Variants in EFCAB13 observed in about 807,000 individuals in gnomAD.
EFCAB13 encodes the protein EF-hand calcium binding domain 13, also known as EF-hand calcium-binding domain-containing protein 13.
Under a neutral mutation model 110.2 loss-of-function variants are expected in EFCAB13, and 91 were observed. The observed-to-expected ratio is 0.83, with a 90% CI of 0.70 to 0.98. The LOEUF is 0.98. Among genes scored for constraint, EFCAB13 ranks in the 50% least tolerant of loss-of-function variants. The pLI, the probability that EFCAB13 is intolerant of heterozygous loss-of-function variation, is 0.00. For missense variants in EFCAB13, 968 were observed against 1,119.4 expected (o/e 0.86, Z 1.93); for synonymous variants, 323 against 369.9 (o/e 0.87, Z 1.45).
intron 2 of EFCAB13, among the ~76,000 whole-genome samples, chr17:47,325,273 C>G (rs1199472087): frequency 6.6e-6 from 1 of 151,704 alleles, no homozygotes; most frequent in African/African-American, 2.4e-5. Flanking sequence ...CTTAGACCCC[C>G]ACCCCCGCAT....
At chr17:47,372,620 G>A (rs1419321387) in intron 11 of EFCAB13, among the ~76,000 whole-genome samples, 2 of 152,102 alleles carry the variant, frequency 1.3e-5, no homozygotes, top group Non-Finnish European at 2.9e-5. Context: ...GAAATTTCAT[G>A]TAAGACAAAT....
chr17:47,398,942 G>A (rs570339362), intron 17 of EFCAB13, among the ~76,000 whole-genome samples: 1 of 152,052 alleles, frequency 6.6e-6, no homozygotes, highest in South Asian at 2.1e-4. Context: ...TTCTTTGGAG[G>A]GGACAAGGTC....
intron 22 of EFCAB13, among the ~76,000 whole-genome samples, chr17:47,413,951 T>A (rs1179634945): frequency 6.6e-6 from 1 of 152,210 alleles, no homozygotes; most frequent in African/African-American, 2.4e-5. Flanking sequence ...ACCTAGCCAT[T>A]TCTGGGTCTC....
intron 10 of EFCAB13, among the ~76,000 whole-genome samples, chr17:47,366,563 C>T (rs1366716248): frequency 6.6e-6 from 1 of 152,080 alleles, no homozygotes; most frequent in African/African-American, 2.4e-5. Flanking sequence ...TGAATTTCCT[C>T]CAGAATTATA....
chr17:47,359,858 G>A (rs1334703881), intron 9 of EFCAB13, among the ~76,000 whole-genome samples: 5 of 136,776 alleles, frequency 3.7e-5, no homozygotes, highest in Non-Finnish European at 7.6e-5. Context: ...TCCCATCTAT[G>A]AGTGAGAACA....
intron 9 of EFCAB13, among the ~76,000 whole-genome samples, chr17:47,359,660 A>G (rs962352881): frequency 1.3e-4 from 20 of 150,470 alleles, no homozygotes; most frequent in African/African-American, 4.2e-4. Flanking sequence ...GTTTTAGGGT[A>G]CATGTGTACA....
intron 9 of EFCAB13, among the ~76,000 whole-genome samples, chr17:47,357,405 C>A (rs752777364): frequency 6.6e-6 from 1 of 152,022 alleles, no homozygotes; most frequent in South Asian, 2.1e-4. Context: ...CCTATTTTGA[C>A]GTTTTGATAA....
chr17:47,336,882 TA>T (rs200414257), intron 5 of EFCAB13, among the ~76,000 whole-genome samples: 2 of 151,436 alleles, frequency 1.3e-5, no homozygotes, highest in Admixed American at 6.6e-5. Flanking sequence ...GACTAAAAAA[TA>T]AAAAAAAATC....
chr17:47,387,742 G>T (rs2065684560), intron 14 of EFCAB13, among the ~76,000 whole-genome samples: 1 of 152,138 alleles, frequency 6.6e-6, no homozygotes, highest in South Asian at 2.1e-4. Flanking sequence ...TCTATATCTT[G>T]TCATTGAACC....
chr17:47,425,125 G>T (rs371985623), intron 23 of EFCAB13, among the ~76,000 whole-genome samples: 1 of 150,874 alleles, frequency 6.6e-6, no homozygotes, highest in African/African-American at 2.4e-5. Flanking sequence ...CTCGTGATCC[G>T]CCCGCCTCGG....
At chr17:47,414,826 A>AT (rs1567803604) in intron 22 of EFCAB13, 22 bp from the exon 23 acceptor site, 1 of 1,532,742 alleles carries the variant, frequency 6.5e-7, no homozygotes, top group East Asian at 2.3e-5. Flanking sequence ...TAATGTCAGC[A>AT]TTTTTTACTT....
intron 20 of EFCAB13, chr17:47,409,377 G>A (rs562309110): frequency 2.8e-6 from 1 of 352,694 alleles, no homozygotes; most frequent in East Asian, 4.4e-5. Flanking sequence ...CTCCCCTTAG[G>A]GAGAAAGGAA....
At chr17:47,409,279 A>G in intron 20 of EFCAB13, 1 of 182,444 alleles carries the variant, frequency 5.5e-6, no homozygotes, top group Admixed American at 5.4e-5. Context: ...CTGGGACTAG[A>G]TAGTATATAG....
Position 47,326,327 on chromosome 17 carries a change from G to C in EFCAB13, c.-146G>C, listed in dbSNP as rs2065286045. On this transcript the variant is annotated 5_prime_UTR_variant, in exon 3 of 25. Transcript: ENST00000331493. ...ATTACAGAACAATTGTTCCTTTCAA[G>C]ATTTATTCAAAACGTGTCAACTCTG... 6.6e-6 allele frequency: 1 copy of C among 152,080 alleles called. No individual in the cohort carries two copies. The highest frequency in any genetic ancestry group is 2.1e-4 in the South Asian group (1 of 4,824). The allele number at this position is 152,080 out of a possible 1,614,324, so 9.4% of individuals were successfully genotyped here.
At chr17:47,399,949 T>C (rs964377769) in intron 17 of EFCAB13, among the ~76,000 whole-genome samples, 3 of 152,078 alleles carry the variant, frequency 2.0e-5, no homozygotes, top group Admixed American at 1.3e-4. Flanking sequence ...GTATGGAAAA[T>C]GGTCAAGGTG....
chr17:47,408,844 TG>T (rs982244873), intron 20 of EFCAB13, among the ~76,000 whole-genome samples: 5 of 151,982 alleles, frequency 3.3e-5, no homozygotes, highest in Non-Finnish European at 5.9e-5. Context: ...ATAATACCCT[TG>T]CCCCCCCCAA....
intron 4 of EFCAB13, among the ~76,000 whole-genome samples, chr17:47,330,791 CT>C (rs1015990855): frequency 2.6e-5 from 4 of 151,298 alleles, no homozygotes; most frequent in East Asian, 1.9e-4. Context: ...GATACAACAA[CT>C]TTTTTTTCCC....
intron 16 of EFCAB13, 114 bp from the exon 17 acceptor site, chr17:47,395,720 T>C: frequency 1.3e-6 from 1 of 753,536 alleles, no homozygotes; most frequent in Non-Finnish European, 1.9e-6. Flanking sequence ...TATGCTATAT[T>C]TATTATTCTT....
At chr17:47,365,190 A>G (rs1255516297) in intron 10 of EFCAB13, among the ~76,000 whole-genome samples, 4 of 152,234 alleles carry the variant, frequency 2.6e-5, no homozygotes, top group African/African-American at 9.6e-5. Flanking sequence ...CTTTAGCTTA[A>G]TATTGTATCT....
Sources: allele counts gnomAD v4.1 joint callset (sites outside exome capture counted in the v4.1 genomes callset), GRCh38; gene constraint gnomAD v4.1.1; transcripts MANE v1.5; gene names NCBI Gene and HGNC (gene_info 2026-07-23, HGNC 2026-07-21).